The following DOCK2 variants were observed in gnomAD, a reference collection of about 807,000 sequenced individuals.
DOCK2 encodes dedicator of cytokinesis protein 2.
Under a neutral mutation model 248.9 loss-of-function variants are expected in DOCK2, and 87 were observed. The observed-to-expected ratio is 0.35, with a 90% CI of 0.29 to 0.42. The LOEUF (loss-of-function observed/expected upper bound fraction) is 0.42. Among genes scored for constraint, DOCK2 ranks in the 10% least tolerant of loss-of-function variants. The probability of loss-of-function intolerance (pLI) is 1.00; values close to 1 mark genes in which losing one functional copy is unlikely to be tolerated. For synonymous variants in DOCK2, 805 were observed against 821.6 expected, an observed-to-expected ratio of 0.98 and a Z score of 0.35; for missense variants, 1,747 against 2,300.2, an observed-to-expected ratio of 0.76 and a Z score of 4.92.
chr5:170,041,429 A>G (rs1047232059), intron 37 of DOCK2, among the ~76,000 whole-genome samples: 1 of 152,206 alleles, frequency 6.6e-6, no homozygotes, highest in Non-Finnish European at 1.5e-5. Flanking sequence ...TGGCATGCCC[A>G]CTGAGCTGCA....
At chr5:169,769,463 G>A (rs1237559803) in intron 25 of DOCK2, among the ~76,000 whole-genome samples, 1 of 152,216 alleles carries the variant, frequency 6.6e-6, no homozygotes, top group East Asian at 1.9e-4. Flanking sequence ...GGTAGAAAGA[G>A]AATGGCTGCC....
At chr5:169,995,029 A>AT (rs11321220) in intron 29 of DOCK2, among the ~76,000 whole-genome samples, 16 of 140,562 alleles carry the variant, frequency 1.1e-4, no homozygotes, top group East Asian at 4.1e-4. Flanking sequence ...GTTATTTTTT[A>AT]TTTTTTTTTT....
chr5:169,740,524 G>A lies in DOCK2; in HGVS notation c.2268-6872G>A, dbSNP rs181934850. On this transcript the variant is annotated intron_variant, in intron 22 of 51. Coordinates refer to ENST00000520908, the MANE Select transcript of DOCK2 (RefSeq NM_004946.3). ...GGAGTGATCCCACCCCAAATGTCAG[G>A]CTCTGGAAAAGTAACAGCTCAATAG... Among the ~76,000 whole-genome samples the A allele has an allele frequency of 5.0e-3, 768 of 152,260 alleles. 3 individuals carry two copies. Among genetic ancestry groups the A allele is most frequent in the Non-Finnish European group, 8.1e-3 (552 of 68,012 alleles).
chr5:169,985,469 C>T (rs1283853796), intron 28 of DOCK2, among the ~76,000 whole-genome samples: 1 of 151,666 alleles, frequency 6.6e-6, no homozygotes, highest in Non-Finnish European at 1.5e-5. Flanking sequence ...AGTTTATTTG[C>T]TCAATGACCT....
Position 170,047,527 on chromosome 5 carries a change from C to T in DOCK2, c.3984C>T (p.Phe1328=). Residue 1328 remains phenylalanine, a synonymous_variant, in exon 40 of 52, where the codon TTC becomes TTT. Coordinates refer to ENST00000520908, the MANE Select transcript of DOCK2 (RefSeq NM_004946.3). Reference sequence around the variant, plus strand: ...TCCTTTAGATCCAGCAGGCAAAATTCTATGAAAGCATCATGAAAATCCTCA... The same window carrying T: ...TCCTTTAGATCCAGCAGGCAAAATTTTATGAAAGCATCATGAAAATCCTCA... ...LSQNLIQQAK[F]YESIMKILRP... is the part of the protein sequence containing the mutation. 1 of 1,613,524 alleles carries T rather than the reference C, an allele frequency of 6.2e-7. No individual in the cohort carries two copies. The highest frequency in any genetic ancestry group is 8.5e-7 in the Non-Finnish European group (1 of 1,179,726).
intron 27 of DOCK2, among the ~76,000 whole-genome samples, chr5:169,851,860 C>G (rs1364384500): frequency 6.6e-6 from 1 of 152,270 alleles, no homozygotes; most frequent in African/African-American, 2.4e-5. Flanking sequence ...CTGGGGAAAA[C>G]TACCCCCATG....
chr5:169,751,364 G>A (rs1381161908), intron 23 of DOCK2, among the ~76,000 whole-genome samples: 1 of 152,156 alleles, frequency 6.6e-6, no homozygotes, highest in East Asian at 1.9e-4. Context: ...ACATGCATGG[G>A]AAAGTTTCAG....
chr5:169,815,238 A>G (rs1156539477), intron 26 of DOCK2, among the ~76,000 whole-genome samples: 2 of 152,208 alleles, frequency 1.3e-5, no homozygotes, highest in Non-Finnish European at 2.9e-5. Context: ...TGGGTTGTGT[A>G]TTCTTGGGGA....
At chr5:169,721,428 G>T (rs1215543706) in intron 22 of DOCK2, among the ~76,000 whole-genome samples, 1 of 152,178 alleles carries the variant, frequency 6.6e-6, no homozygotes, top group Non-Finnish European at 1.5e-5. Flanking sequence ...GCAATGATCT[G>T]CTCTCCAGTG....
chr5:170,019,783 A>G (rs139569934), intron 33 of DOCK2, among the ~76,000 whole-genome samples: 279 of 152,244 alleles, frequency 1.8e-3, no homozygotes, highest in African/African-American at 6.5e-3. Context: ...GGCTCCCGGT[A>G]CTGCTCAGTG....
At chr5:169,707,203 T>G (rs956549260) in intron 14 of DOCK2, among the ~76,000 whole-genome samples, 1 of 152,148 alleles carries the variant, frequency 6.6e-6, no homozygotes, top group African/African-American at 2.4e-5. Context: ...AAGTAGGCAT[T>G]GTTGTATGTG....
At chr5:170,014,656 A>AG (rs201182245) in intron 32 of DOCK2, among the ~76,000 whole-genome samples, 22 of 60,028 alleles carry the variant, frequency 3.7e-4, no homozygotes, top group African/African-American at 9.2e-4. Context: ...TAGACTATGG[A>AG]GGGGGGGTCC....
At chr5:169,951,030 C>T (rs528708548) in intron 27 of DOCK2, among the ~76,000 whole-genome samples, 26 of 152,200 alleles carry the variant, frequency 1.7e-4, no homozygotes, top group Non-Finnish European at 2.9e-4. Context: ...GATTAGCCAG[C>T]GTCACCGGTC....
chr5:169,792,451 A>ATGTGTGTG (rs56969878), intron 25 of DOCK2, among the ~76,000 whole-genome samples: 3,283 of 149,278 alleles, frequency 0.022, 50 homozygotes, highest in Middle Eastern at 0.052. Context: ...TATTTTATAT[A>ATGTGTGTG]TGTGTGTGTG....
At chr5:169,897,843 A>G (rs756749453) in intron 27 of DOCK2, among the ~76,000 whole-genome samples, 3 of 152,196 alleles carry the variant, frequency 2.0e-5, no homozygotes, top group African/African-American at 4.8e-5. Context: ...CTCCAGGTCT[A>G]TGTAATAGAG....
At chr5:169,670,700 CTTA>C in intron 4 of DOCK2, 103 bp downstream of exon 4, 4 of 1,370,426 alleles carry the variant, frequency 2.9e-6, no homozygotes, top group Non-Finnish European at 4.0e-6. Flanking sequence ...GGTTGCTCAG[CTTA>C]TCTTCTTTGT....
intron 35 of DOCK2, 56 bp downstream of exon 35, chr5:170,034,611 T>C: frequency 6.2e-7 from 1 of 1,601,178 alleles, no homozygotes; most frequent in Non-Finnish European, 8.5e-7. Flanking sequence ...GGGCTTGGGC[T>C]TGGCTTTGGG....
At chr5:170,047,683 T>C in intron 40 of DOCK2, 69 bp downstream of exon 40, 4 of 1,419,576 alleles carry the variant, frequency 2.8e-6, no homozygotes, top group South Asian at 2.4e-5. Flanking sequence ...GGTCCTTCTA[T>C]GCTTTGAGGA....
chr5:169,774,173 GT>G (rs1285942597), intron 25 of DOCK2, among the ~76,000 whole-genome samples: 1 of 152,156 alleles, frequency 6.6e-6, no homozygotes, highest in African/African-American at 2.4e-5. Context: ...CGACAATACA[GT>G]TGAATTGAAA....
Sources: gnomAD v4.1 joint callset for allele counts (sites outside exome capture counted in the v4.1 genomes callset) on GRCh38, gnomAD v4.1.1 for gene constraint, MANE v1.5 for transcripts, NCBI Gene and HGNC (gene_info 2026-07-23, HGNC 2026-07-21) for gene names.